The following ZMYND12 variants were observed in gnomAD, a reference collection of about 807,000 sequenced individuals.
ZMYND12 encodes zinc finger MYND-type containing 12.
ZMYND12 carries 32 observed loss-of-function variants against 41.7 expected under a neutral mutation model. That is an observed-to-expected ratio of 0.77 (90% CI 0.58 to 1.03). ZMYND12 has a LOEUF of 1.03. Ranked by LOEUF, ZMYND12 falls within the 50% of genes least tolerant of loss-of-function variation. The pLI, the probability that ZMYND12 is intolerant of heterozygous loss-of-function variation, is 0.00. For missense variants in ZMYND12, 424 were observed against 438.5 expected (o/e 0.97, Z 0.30); for synonymous variants, 148 against 164.8 (o/e 0.90, Z 0.78).
chr1:42,445,309 T>C (rs1192820375), intron 3 of ZMYND12, among the ~76,000 whole-genome samples: 5 of 151,594 alleles, frequency 3.3e-5, no homozygotes, highest in Non-Finnish European at 7.4e-5. Context: ...GGTGCGTGCC[T>C]GTAGTCCTAG....
Position 42,433,207 on chromosome 1 carries a change from T to TG in ZMYND12, c.910dup (p.Gln304ProfsTer40). On this transcript the variant is annotated frameshift_variant, in exon 7 of 8. Transcript: ENST00000372565. LOFTEE classifies it high-confidence loss of function. ...GATCTTCAGAACAAAGATGGTTTTT[T>TG]GGGGGGCTTTGTCAGATGTAGATTC... The TG allele has an allele frequency of 6.2e-7, 1 of 1,612,750 alleles. No individual in the cohort carries two copies. The highest frequency in any genetic ancestry group is 1.1e-5 in the South Asian group (1 of 90,648).
chr1:42,454,774 G>T (rs1353999637), intron 1 of ZMYND12, among the ~76,000 whole-genome samples: 3 of 151,270 alleles, frequency 2.0e-5, no homozygotes, highest in Non-Finnish European at 2.9e-5. Flanking sequence ...AGCGATCTCG[G>T]CTCACTGCAA....
Position 42,456,005 on chromosome 1 carries a change from C to T in ZMYND12, c.-8G>A, listed in dbSNP as rs373763715. The T allele has an allele frequency of 3.9e-5, 63 of 1,603,458 alleles. No homozygotes were observed. The highest frequency in any genetic ancestry group is 4.9e-5 in the Non-Finnish European group (57 of 1,173,112). ...TGGGTAGATCACATTCATGGTGCAG[C>T]CAGCAGTGCTGGTCTCTAAGACGGT... On this transcript the variant is annotated 5_prime_UTR_variant, in exon 1 of 8. Coordinates refer to ENST00000372565, the MANE Select transcript of ZMYND12 (RefSeq NM_032257.5).
intron 6 of ZMYND12, among the ~76,000 whole-genome samples, chr1:42,434,535 T>C (rs972940500): frequency 6.6e-6 from 1 of 152,058 alleles, no homozygotes; most frequent in Non-Finnish European, 1.5e-5. Flanking sequence ...GCTTCATCTG[T>C]ATTTACAGCC....
chr1:42,430,959 C>T, intron 7 of ZMYND12, 101 bp from the exon 8 acceptor site: 4 of 1,495,534 alleles, frequency 2.7e-6, no homozygotes, highest in Non-Finnish European at 3.6e-6. Flanking sequence ...AGAGAACTGA[C>T]CACCTTTTCA....
chr1:42,447,471 C>A (rs925509760), intron 3 of ZMYND12, among the ~76,000 whole-genome samples: 3 of 152,198 alleles, frequency 2.0e-5, no homozygotes, highest in Non-Finnish European at 2.9e-5. Flanking sequence ...TGACCCTGAA[C>A]TGTATCCTTT....
rs1643169635 is a variant in ZMYND12 at position 42,455,968 on chromosome 1, G to A, written c.30C>T (p.Pro10=). MNVIYPLAV[P]KGRRLCCEVC... is the part of the protein sequence containing the mutation. Reference sequence around the variant, plus strand: ...CCTCACAGCAGAGTCTGCGCCCCTTGGGGACTGCCAGTGGGTAGATCACAT... The same window carrying A: ...CCTCACAGCAGAGTCTGCGCCCCTTAGGGACTGCCAGTGGGTAGATCACAT... The change falls in exon 1 of 8, where the codon CCC becomes CCT. Residue 10 remains proline (P), a synonymous_variant. Coordinates refer to ENST00000372565, the MANE Select transcript of ZMYND12 (RefSeq NM_032257.5). The A allele has an allele frequency of 5.6e-6, 9 of 1,613,272 alleles. No individual in the cohort carries two copies. In the South Asian group the frequency reaches 8.8e-5, roughly 16 times the overall value.
chr1:42,450,316 T>C (rs1208434748), intron 1 of ZMYND12, among the ~76,000 whole-genome samples: 1 of 152,246 alleles, frequency 6.6e-6, no homozygotes, highest in Non-Finnish European at 1.5e-5. Flanking sequence ...ACAGGGATGC[T>C]GGCATGCAAT....
At chr1:42,442,198 A>C (rs1642978677) in intron 3 of ZMYND12, among the ~76,000 whole-genome samples, 1 of 152,132 alleles carries the variant, frequency 6.6e-6, no homozygotes, top group East Asian at 1.9e-4. Flanking sequence ...AGGGCGAGAG[A>C]ATCAGATTTA....
At chr1:42,451,585 A>G (rs1338323566) in intron 1 of ZMYND12, among the ~76,000 whole-genome samples, 9 of 152,198 alleles carry the variant, frequency 5.9e-5, no homozygotes, top group Non-Finnish European at 1.3e-4. Context: ...GCAGCCACAG[A>G]CAATATATAG....
At chr1:42,445,431 T>TAAA (rs573648674) in intron 3 of ZMYND12, among the ~76,000 whole-genome samples, 8 of 106,710 alleles carry the variant, frequency 7.5e-5, no homozygotes, top group Admixed American at 1.0e-4. Context: ...GGACTCCGTC[T>TAAA]AAAAAAAAAA....
At position 42,449,962 on chromosome 1, in the gene ZMYND12, C is replaced by T. The variant is rs1643065915; in HGVS notation, c.208G>A (p.Glu70Lys). 6.2e-7 allele frequency: 1 copy of T among 1,613,512 alleles called. No homozygotes were observed. The highest frequency in any genetic ancestry group is 8.5e-7 in the Non-Finnish European group (1 of 1,180,040). ...TGCAGGCCATGCTGCCGTTCTTCCTCTGAATTGTAGAAGGGCATGGAAGTG... is the reference window on the plus strand; with the variant it reads ...TGCAGGCCATGCTGCCGTTCTTCCTTTGAATTGTAGAAGGGCATGGAAGTG... Reference protein sequence around the residue: ...LRTSMPFYNSEEERQHGLQQL... With the variant: ...LRTSMPFYNSKEERQHGLQQL... The change falls in exon 2 of 8, where the codon GAG (glutamate) becomes AAG (lysine). Residue 70 changes from glutamate to lysine, a missense_variant. Coordinates refer to ENST00000372565, the MANE Select transcript of ZMYND12 (RefSeq NM_032257.5).
At chr1:42,452,468 CGAG>C (rs1434229289) in intron 1 of ZMYND12, among the ~76,000 whole-genome samples, 1 of 152,016 alleles carries the variant, frequency 6.6e-6, no homozygotes, top group African/African-American at 2.4e-5. Context: ...TTTGGGAGGC[CGAG>C]GAGGGCGGAT....
intron 4 of ZMYND12, among the ~76,000 whole-genome samples, chr1:42,437,679 A>G (rs1053032318): frequency 1.2e-4 from 17 of 145,500 alleles, no homozygotes; most frequent in African/African-American, 4.4e-4. Flanking sequence ...CACCTGGCTA[A>G]TTTTCATATT....
At chr1:42,452,749 A>T (rs1002764031) in intron 1 of ZMYND12, among the ~76,000 whole-genome samples, 1 of 152,168 alleles carries the variant, frequency 6.6e-6, no homozygotes, top group African/African-American at 2.4e-5. Context: ...TCTAAAGTAA[A>T]TAAAAATGTG....
chr1:42,451,665 T>C (rs1569576369), intron 1 of ZMYND12, among the ~76,000 whole-genome samples: 1 of 152,312 alleles, frequency 6.6e-6, no homozygotes, highest in African/African-American at 2.4e-5. Flanking sequence ...TAAAGTATAT[T>C]CTTTACAAGT....
chr1:42,452,006 C>T (rs1427638284), intron 1 of ZMYND12, among the ~76,000 whole-genome samples: 2 of 152,132 alleles, frequency 1.3e-5, no homozygotes, highest in Non-Finnish European at 2.9e-5. Context: ...TCAATCAGGG[C>T]TCACAATTAA....
intron 1 of ZMYND12, 135 bp downstream of exon 1, chr1:42,455,753 G>T (rs1038485408): frequency 3.2e-6 from 2 of 624,574 alleles, no homozygotes; most frequent in Admixed American, 3.0e-5. Flanking sequence ...AGTCTTAGGG[G>T]CCTGTCTTAA....
At chr1:42,432,906 T>C (rs1011809) in intron 7 of ZMYND12, 182,706 of 472,646 alleles carry the variant, frequency 0.39, 36,991 homozygotes, top group East Asian at 0.55. Flanking sequence ...CAGCACTGCC[T>C]CAGACTCTCT....
Sources: gnomAD v4.1 joint callset for allele counts (sites outside exome capture counted in the v4.1 genomes callset) on GRCh38, gnomAD v4.1.1 for gene constraint, MANE v1.5 for transcripts, NCBI Gene and HGNC (gene_info 2026-07-23, HGNC 2026-07-21) for gene names.